The following PDE4D variants were observed in gnomAD, a reference collection of about 807,000 sequenced individuals.
PDE4D encodes the protein phosphodiesterase 4D, also known as 3',5'-cyclic-AMP phosphodiesterase 4D.
Under a neutral mutation model 87.4 loss-of-function variants are expected in PDE4D, and 24 were observed. The observed-to-expected ratio is 0.27, with a 90% CI of 0.20 to 0.39. PDE4D has a LOEUF of 0.39. Among genes scored for constraint, PDE4D ranks in the 10% least tolerant of loss-of-function variants. The probability of loss-of-function intolerance (pLI) is 1.00; values close to 1 mark genes in which losing one functional copy is unlikely to be tolerated. For missense variants in PDE4D, 714 were observed against 1,041.0 expected (o/e 0.69, Z 4.32); for synonymous variants, 384 against 383.2 (o/e 1.00, Z -0.02).
At chr5:59,238,549 A>G (rs1248407760) in intron 1 of PDE4D, among the ~76,000 whole-genome samples, 4 of 152,196 alleles carry the variant, frequency 2.6e-5, no homozygotes, top group Non-Finnish European at 5.9e-5. Flanking sequence ...GTGGATTACT[A>G]TCTTTGATGC....
chr5:60,437,503 G>C (rs1478573157), intron 1 of PDE4D, among the ~76,000 whole-genome samples: 1 of 152,106 alleles, frequency 6.6e-6, no homozygotes, highest in South Asian at 2.1e-4. Flanking sequence ...TTGAAAGTTA[G>C]TGGTGGGTAT....
intron 1 of PDE4D, among the ~76,000 whole-genome samples, chr5:59,698,261 C>G (rs1350008549): frequency 6.6e-6 from 1 of 152,046 alleles, no homozygotes; most frequent in Admixed American, 6.6e-5. Flanking sequence ...GTTTTTCAAA[C>G]AGCAAAATGT....
chr5:60,161,274 G>A (rs769114419), intron 2 of PDE4D, among the ~76,000 whole-genome samples: 2 of 151,998 alleles, frequency 1.3e-5, no homozygotes, highest in African/African-American at 2.4e-5. Flanking sequence ...GATCCATTTT[G>A]GCTTTTGAGT....
chr5:60,426,407 A>T (rs1163579599), intron 1 of PDE4D, among the ~76,000 whole-genome samples: 1 of 152,154 alleles, frequency 6.6e-6, no homozygotes, highest in African/African-American at 2.4e-5. Context: ...GGAAACCATC[A>T]TTCTCAGCAA....
chr5:59,310,236 A>G (rs768429164), intron 1 of PDE4D, among the ~76,000 whole-genome samples: 9 of 151,948 alleles, frequency 5.9e-5, no homozygotes, highest in Non-Finnish European at 1.2e-4. Flanking sequence ...TCTACACCCT[A>G]TTATGCTTCC....
intron 1 of PDE4D, among the ~76,000 whole-genome samples, chr5:59,269,681 G>A (rs1015993006): frequency 6.6e-6 from 1 of 151,704 alleles, no homozygotes; most frequent in African/African-American, 2.4e-5. Flanking sequence ...TTGGGGTGGG[G>A]GGTAAATGTA....
intron 1 of PDE4D, among the ~76,000 whole-genome samples, chr5:60,293,299 G>A (rs1239524437): frequency 6.6e-6 from 1 of 152,008 alleles, no homozygotes; most frequent in Admixed American, 6.6e-5. Flanking sequence ...GCGATCACAA[G>A]GTCAGGAGAT....
intron 1 of PDE4D, among the ~76,000 whole-genome samples, chr5:60,504,981 A>G (rs1384755253): frequency 1.3e-5 from 2 of 152,218 alleles, no homozygotes; most frequent in African/African-American, 4.8e-5. Flanking sequence ...AATAAAGGAT[A>G]CAATGTCAAA....
At chr5:59,102,172 C>T (rs1770861700) in intron 5 of PDE4D, among the ~76,000 whole-genome samples, 2 of 150,660 alleles carry the variant, frequency 1.3e-5, no homozygotes, top group Non-Finnish European at 3.0e-5. Context: ...CCACAACCTC[C>T]GCCTCTTGGG....
chr5:59,207,825 A>T (rs929150735), intron 2 of PDE4D, among the ~76,000 whole-genome samples: 5 of 152,002 alleles, frequency 3.3e-5, no homozygotes, highest in Admixed American at 3.3e-4. Context: ...TCTTTTATAC[A>T]GGAGTGAGAA....
At chr5:59,907,712 T>C (rs912442679) in intron 3 of PDE4D, among the ~76,000 whole-genome samples, 5 of 152,198 alleles carry the variant, frequency 3.3e-5, no homozygotes, top group Non-Finnish European at 7.4e-5. Flanking sequence ...AAAATGAGTA[T>C]TAATGTAGCA....
At chr5:59,225,794 A>G (rs555132509) in intron 1 of PDE4D, among the ~76,000 whole-genome samples, 7 of 148,398 alleles carry the variant, frequency 4.7e-5, no homozygotes, top group African/African-American at 1.8e-4. Flanking sequence ...ACAACTCAAT[A>G]GCAAAACCCC....
chr5:59,446,727 T>C lies in PDE4D; in HGVS notation c.456-230759A>G, dbSNP rs561368257. Among the ~76,000 whole-genome samples the C allele has an allele frequency of 2.6e-5, 4 of 152,344 alleles. No homozygotes were observed. The South Asian group carries it at 8.3e-4, about 32-fold the overall frequency. On this transcript the variant is annotated intron_variant, in intron 1 of 14. Transcript: ENST00000340635. ...GTACGGAGCTCCCCACAGGCATCAT[T>C]GAGAAAGGCTCAAACTCCATTACAT...
At chr5:59,489,687 A>G (rs943233670) in intron 1 of PDE4D, among the ~76,000 whole-genome samples, 1 of 152,148 alleles carries the variant, frequency 6.6e-6, no homozygotes, top group Non-Finnish European at 1.5e-5. Context: ...AAGAATCCTT[A>G]TTTGTTTCCT....
intron 6 of PDE4D, among the ~76,000 whole-genome samples, chr5:59,034,165 A>C (rs1758083940): frequency 1.3e-5 from 2 of 152,236 alleles, no homozygotes; most frequent in Non-Finnish European, 2.9e-5. Context: ...TGTAAGCTAC[A>C]TAAATCTTTC....
rs1278949854 is a variant in PDE4D, at chr5:59,185,260, G to T, written c.687C>A (p.Val229=). Reference sequence around the variant, plus strand: ...TTCGTACAGTTCGCAGACTGGCCAAGACCTACAACAAGAAAGGATTCTTGA... The same window carrying T: ...TTCGTACAGTTCGCAGACTGGCCAATACCTACAACAAGAAAGGATTCTTGA... The part of the protein sequence containing the change: ...DDLIVTPFAQ[V]LASLRTVRNN... Residue 229 remains valine, a splice_region_variant and synonymous_variant, in exon 4 of 15, where the codon GTC becomes GTA. Transcript: ENST00000340635. The T allele has an allele frequency of 1.2e-5, 19 of 1,606,320 alleles. No individual in the cohort carries two copies. The highest frequency in any genetic ancestry group is 1.6e-5 in the Non-Finnish European group (19 of 1,175,204).
intron 2 of PDE4D, among the ~76,000 whole-genome samples, chr5:60,073,283 A>C (rs756522277): frequency 6.6e-6 from 1 of 151,958 alleles, no homozygotes; most frequent in Non-Finnish European, 1.5e-5. Flanking sequence ...TGGGTTTTGC[A>C]TTGGTCCTGT....
At chr5:59,138,947 G>T (rs1048167147) in intron 5 of PDE4D, among the ~76,000 whole-genome samples, 5 of 152,192 alleles carry the variant, frequency 3.3e-5, no homozygotes, top group African/African-American at 4.8e-5. Flanking sequence ...AAATTCGGGA[G>T]AAATTCAGGA....
At chr5:59,306,271 A>C (rs1771338276) in intron 1 of PDE4D, among the ~76,000 whole-genome samples, 1 of 152,026 alleles carries the variant, frequency 6.6e-6, no homozygotes, top group Non-Finnish European at 1.5e-5. Context: ...CTTTAAGTTT[A>C]TGTTGGTCCT....
Sources: allele counts gnomAD v4.1 joint callset (sites outside exome capture counted in the v4.1 genomes callset), GRCh38; gene constraint gnomAD v4.1.1; transcripts MANE v1.5; gene names NCBI Gene and HGNC (gene_info 2026-07-23, HGNC 2026-07-21).